COA1: variants seen among roughly 807,000 people sequenced by gnomAD.
The protein encoded by COA1 is cytochrome c oxidase assembly factor 1.
A neutral mutation model predicts 16.0 loss-of-function variants in COA1; 13 were observed. The ratio of observed to expected loss-of-function variants is 0.81; its 90% confidence interval spans 0.53 to 1.29. The LOEUF (loss-of-function observed/expected upper bound fraction) is 1.29. Ranked by LOEUF, COA1 falls within the 50% of genes most tolerant of loss-of-function variation. The probability of loss-of-function intolerance (pLI) is 0.00; values close to 1 mark genes in which losing one functional copy is unlikely to be tolerated. For missense variants in COA1, 179 were observed against 177.0 expected (o/e 1.01, Z -0.06); for synonymous variants, 65 against 65.7 (o/e 0.99, Z 0.05).
intron 1 of COA1, among the ~76,000 whole-genome samples, chr7:43,709,862 G>A (rs2095154777): frequency 1.3e-5 from 2 of 152,084 alleles, no homozygotes; most frequent in South Asian, 4.1e-4. Flanking sequence ...CAGCCTAGAA[G>A]GGGTACCTAA....
intron 6 of COA1, chr7:43,619,539 T>G: frequency 6.3e-7 from 1 of 1,575,620 alleles, no homozygotes; most frequent in Non-Finnish European, 8.6e-7. Context: ...ATGGGCTGCA[T>G]GTTTTGTGTA....
chr7:43,644,817 G>GAGAGAGAGACAGAGAGAGAGAGAC (rs2088709809), intron 4 of COA1, among the ~76,000 whole-genome samples: 2 of 126,614 alleles, frequency 1.6e-5, no homozygotes, highest in Admixed American at 7.7e-5. Flanking sequence ...GAGAGAGAGA[G>GAGAGAGAGACAGAGAGAGAGAGAC]AGAGAGAGAG....
chr7:43,682,143 A>G (rs2093796444), intron 1 of COA1, among the ~76,000 whole-genome samples: 1 of 152,238 alleles, frequency 6.6e-6, no homozygotes, highest in Admixed American at 6.5e-5. Flanking sequence ...CATGTCTCCA[A>G]GGTATGAACA....
intron 1 of COA1, among the ~76,000 whole-genome samples, chr7:43,691,897 C>T (rs1038886942): frequency 2.6e-5 from 4 of 152,160 alleles, no homozygotes; most frequent in Admixed American, 1.3e-4. Context: ...GCCGTTTGGC[C>T]CAGAGCCTGC....
intron 6 of COA1, chr7:43,625,192 T>C (rs2084374288): frequency 1.1e-5 from 2 of 188,848 alleles, no homozygotes; most frequent in African/African-American, 2.4e-5. Context: ...TACACTTCTG[T>C]AAATCTCTTG....
At chr7:43,704,403 A>G (rs2094888358) in intron 1 of COA1, among the ~76,000 whole-genome samples, 1 of 152,184 alleles carries the variant, frequency 6.6e-6, no homozygotes. Flanking sequence ...GATATCCTCA[A>G]TTATGTTTTC....
At chr7:43,619,652 A>AT in intron 6 of COA1, 1 of 1,614,058 alleles carries the variant, frequency 6.2e-7, no homozygotes, top group Non-Finnish European at 8.5e-7. Flanking sequence ...AAGATTGTTG[A>AT]TTTTGGCCTT....
chr7:43,659,040 T>C (rs1359024136), intron 1 of COA1: 1 of 152,224 alleles, frequency 6.6e-6, no homozygotes, highest in South Asian at 2.1e-4. Flanking sequence ...GACTTGCTTT[T>C]TGTTAAAGAT....
At chr7:43,690,607 T>C (rs1271187550) in intron 1 of COA1, among the ~76,000 whole-genome samples, 1 of 152,042 alleles carries the variant, frequency 6.6e-6, no homozygotes. Flanking sequence ...AAACCAAACA[T>C]TGTATGTTCT....
chr7:43,715,892 C>A (rs902529711), intron 1 of COA1, among the ~76,000 whole-genome samples: 2 of 152,136 alleles, frequency 1.3e-5, no homozygotes, highest in Admixed American at 1.3e-4. Context: ...GGGCAGTTTT[C>A]CGATAGTGAA....
chr7:43,677,388 C>G (rs1423195802), intron 1 of COA1, among the ~76,000 whole-genome samples: 1 of 151,776 alleles, frequency 6.6e-6, no homozygotes, highest in Non-Finnish European at 1.5e-5. Context: ...ATTTAATGAC[C>G]AAAAAAGGAA....
chr7:43,623,958 A>C, intron 6 of COA1: 4 of 1,157,474 alleles, frequency 3.5e-6, no homozygotes, highest in Non-Finnish European at 4.5e-6. Context: ...TAAAAAACTG[A>C]CAGTTTTTTC....
chr7:43,696,322 C>T lies in COA1; in HGVS notation c.-39+33107G>A, dbSNP rs111871707. On this transcript the variant is annotated intron_variant, in intron 1 of 5. Transcript: ENST00000223336. ...ATCACGAGAACAGTATGGGGGGAAC[C>T]GCCCCCAATGATTCAATTATCTCCA... Among the ~76,000 whole-genome samples the T allele has an allele frequency of 3.2e-4, 48 of 152,272 alleles. 1 individual carries two copies. In the South Asian group the frequency reaches 7.7e-3, roughly 24 times the overall value.
intron 1 of COA1, among the ~76,000 whole-genome samples, chr7:43,680,938 T>C (rs1301646586): frequency 6.6e-6 from 1 of 152,088 alleles, no homozygotes; most frequent in African/African-American, 2.4e-5. Context: ...CCCATTACAC[T>C]CCAGCCTGGG....
Position 43,709,372 on chromosome 7 carries a change from A to G in COA1, c.-39+20057T>C, listed in dbSNP as rs374487286. Among the ~76,000 whole-genome samples the G allele has an allele frequency of 3.9e-5, 6 of 151,908 alleles. No homozygotes were observed. The East Asian group carries it at 7.7e-4, about 20-fold the overall frequency. ...TTTTGCCTTTCACAGGTAGATCTAC[A>G]ATCCACTGAGAATTCATTTGGGGTG... On this transcript the variant is annotated intron_variant, in intron 1 of 5. Transcript: ENST00000223336.
chr7:43,639,427 A>ATT lies in COA1; in HGVS notation c.*153_*154dup. 1.8e-6 allele frequency: 1 copy of ATT among 564,996 alleles called. No individual in the cohort carries two copies. The highest frequency in any genetic ancestry group is 3.2e-6 in the Non-Finnish European group (1 of 311,334). The allele number at this position is 564,996 out of a possible 1,614,324, so 35.0% of individuals were successfully genotyped here. A position where few individuals can be genotyped will look rare whatever the true frequency, so the allele number is the denominator to read the frequency against. ...GTGCCCAAGTTAGAATTACACCAAAATTACCATGTGCTGGCACATACCATC... is the reference window on the plus strand; with the variant it reads ...GTGCCCAAGTTAGAATTACACCAAAATTTTACCATGTGCTGGCACATACCATC... On this transcript the variant is annotated 3_prime_UTR_variant, in exon 6 of 6. Coordinates refer to ENST00000223336, the MANE Select transcript of COA1 (RefSeq NM_018224.4).
At chr7:43,675,354 TCTCA>T (rs1240341613) in intron 1 of COA1, among the ~76,000 whole-genome samples, 5 of 151,848 alleles carry the variant, frequency 3.3e-5, no homozygotes, top group Non-Finnish European at 5.9e-5. Flanking sequence ...CATCGTGTGT[TCTCA>T]CTCATAGGTG....
chr7:43,617,222 A>T (rs372170249), intron 6 of COA1, among the ~76,000 whole-genome samples: 99 of 152,220 alleles, frequency 6.5e-4, no homozygotes, highest in African/African-American at 2.3e-3. Flanking sequence ...CATGCGAAGG[A>T]GTTTGGAGGT....
At chr7:43,728,876 CCAAA>C (rs1345009252) in intron 1 of COA1, among the ~76,000 whole-genome samples, 4 of 152,136 alleles carry the variant, frequency 2.6e-5, no homozygotes, top group Admixed American at 2.6e-4. Flanking sequence ...GCATCCACCC[CCAAA>C]CACACATACA....
Sources: gnomAD v4.1 joint callset for allele counts (sites outside exome capture counted in the v4.1 genomes callset) on GRCh38, gnomAD v4.1.1 for gene constraint, MANE v1.5 for transcripts, NCBI Gene and HGNC (gene_info 2026-07-23, HGNC 2026-07-21) for gene names.